The following B3GALT1 variants were observed in gnomAD, a reference collection of about 807,000 sequenced individuals.
B3GALT1 encodes the protein UDP-Gal:betaGlcNAc beta 1,3-galactosyltransferase, polypeptide 1.
B3GALT1 carries 10 observed loss-of-function variants against 23.2 expected under a neutral mutation model. That is an observed-to-expected ratio of 0.43 (90% CI 0.27 to 0.73). The LOEUF is 0.73. B3GALT1 is among the 30% of genes least tolerant of loss of function. The pLI, the probability that B3GALT1 is intolerant of heterozygous loss-of-function variation, is 0.21. For synonymous variants in B3GALT1, 156 were observed against 141.5 expected (o/e 1.10, Z -0.73); for missense variants, 299 against 405.4 (o/e 0.74, Z 2.25).
At position 167,737,945 on chromosome 2, in the gene B3GALT1, C is replaced by T. The variant is rs560568929; in HGVS notation, c.-351-80727C>T. On this transcript the variant is annotated intron_variant, in intron 3 of 4. Coordinates refer to ENST00000392690, the MANE Select transcript of B3GALT1 (RefSeq NM_020981.4). ...TAGAATGATTGATTAAACTAGATGC[C>T]TTTCCCGGACCTGAGAGCCGTAAAC... 3.9e-5 allele frequency among the ~76,000 whole-genome samples: 6 copies of T among 152,284 alleles called. No homozygotes were observed. In the East Asian group the frequency reaches 1.2e-3, roughly 29 times the overall value.
intron 2 of B3GALT1, among the ~76,000 whole-genome samples, chr2:167,551,725 G>A (rs1429210839): frequency 6.6e-6 from 1 of 152,034 alleles, no homozygotes; most frequent in African/African-American, 2.4e-5. Context: ...CCACCCAGAC[G>A]AGGCACATTT....
intron 4 of B3GALT1, among the ~76,000 whole-genome samples, chr2:167,836,676 A>C (rs930303927): frequency 2.0e-5 from 3 of 152,194 alleles, no homozygotes; most frequent in African/African-American, 7.2e-5. Flanking sequence ...AATACAGAGA[A>C]CACCACAAAG....
intron 3 of B3GALT1, among the ~76,000 whole-genome samples, chr2:167,701,920 T>A (rs1427654583): frequency 6.6e-6 from 1 of 152,216 alleles, no homozygotes; most frequent in East Asian, 1.9e-4. Context: ...TTAACACCTG[T>A]GATAATTTCT....
chr2:167,447,530 G>C (rs934069678), intron 1 of B3GALT1, among the ~76,000 whole-genome samples: 1 of 152,192 alleles, frequency 6.6e-6, no homozygotes, highest in African/African-American at 2.4e-5. Context: ...CTTCCTGGCT[G>C]CTTTGTTTAC....
At chr2:167,808,434 C>G (rs1247936490) in intron 3 of B3GALT1, among the ~76,000 whole-genome samples, 1 of 148,216 alleles carries the variant, frequency 6.7e-6, no homozygotes, top group African/African-American at 2.5e-5. Context: ...TTTGCAGTGG[C>G]TGGTACTTAG....
At chr2:167,454,276 A>T (rs1699135244) in intron 1 of B3GALT1, among the ~76,000 whole-genome samples, 1 of 152,206 alleles carries the variant, frequency 6.6e-6, no homozygotes, top group Non-Finnish European at 1.5e-5. Flanking sequence ...AGGCAGAGCC[A>T]ACTATATGCG....
chr2:167,638,897 A>G (rs1287461295), intron 2 of B3GALT1, among the ~76,000 whole-genome samples: 1 of 152,040 alleles, frequency 6.6e-6, no homozygotes, highest in African/African-American at 2.4e-5. Flanking sequence ...TTAGCTGTGT[A>G]AACTTGGGCA....
chr2:167,704,401 C>T (rs556626801), intron 3 of B3GALT1, among the ~76,000 whole-genome samples: 2 of 152,084 alleles, frequency 1.3e-5, no homozygotes, highest in South Asian at 4.2e-4. Flanking sequence ...GAAAATGAGA[C>T]ACCACTAACA....
intron 1 of B3GALT1, among the ~76,000 whole-genome samples, chr2:167,317,518 TA>T (rs1034777359): frequency 9.9e-5 from 15 of 152,234 alleles, no homozygotes; most frequent in African/African-American, 3.6e-4. Context: ...ACAGCCATCA[TA>T]AAGAAGCCTA....
intron 3 of B3GALT1, among the ~76,000 whole-genome samples, chr2:167,731,326 C>T (rs746830360): frequency 1.1e-4 from 17 of 152,190 alleles, no homozygotes; most frequent in Non-Finnish European, 2.4e-4. Flanking sequence ...CTTTATTCCT[C>T]AACTAGGTAT....
At chr2:167,496,617 A>G (rs78167260) in intron 2 of B3GALT1, among the ~76,000 whole-genome samples, 2,823 of 152,296 alleles carry the variant, frequency 0.019, 43 homozygotes, top group South Asian at 0.049. Flanking sequence ...TGAACAAAAT[A>G]AAGCATATTC....
At position 167,394,648 on chromosome 2, in the gene B3GALT1, G is replaced by A. The variant is rs114222502; in HGVS notation, c.-510-95529G>A. ...ATTATTTTCCATATTTCGTAACTAAGCGATAGGCAAAATAGGCATTTTCTC... is the reference window on the plus strand; with the variant it reads ...ATTATTTTCCATATTTCGTAACTAAACGATAGGCAAAATAGGCATTTTCTC... On this transcript the variant is annotated intron_variant, in intron 1 of 4. Transcript: ENST00000392690. Among the ~76,000 whole-genome samples the A allele has an allele frequency of 4.7e-3, 717 of 151,934 alleles. 9 individuals carry two copies. Among genetic ancestry groups the A allele is most frequent in the African/African-American group, 0.016 (660 of 41,344 alleles).
chr2:167,581,587 GTTTTCTGATTCC>G (rs1307040895), intron 2 of B3GALT1, among the ~76,000 whole-genome samples: 1 of 152,182 alleles, frequency 6.6e-6, no homozygotes, highest in Non-Finnish European at 1.5e-5. Flanking sequence ...GTGAACAAGT[GTTTTCTGATTCC>G]AGCTCTGACA....
intron 2 of B3GALT1, among the ~76,000 whole-genome samples, chr2:167,541,805 T>C (rs572051995): frequency 6.6e-6 from 1 of 152,222 alleles, no homozygotes; most frequent in Admixed American, 6.5e-5. Context: ...CTAATTAACC[T>C]GTTTTGCATT....
intron 3 of B3GALT1, among the ~76,000 whole-genome samples, chr2:167,790,538 A>G (rs904535385): frequency 6.6e-6 from 1 of 152,208 alleles, no homozygotes; most frequent in Non-Finnish European, 1.5e-5. Context: ...CTTTCCATGC[A>G]CAAACTAACA....
intron 3 of B3GALT1, among the ~76,000 whole-genome samples, chr2:167,711,649 G>C (rs1687049911): frequency 6.6e-6 from 1 of 152,112 alleles, no homozygotes; most frequent in Admixed American, 6.6e-5. Flanking sequence ...AGTAGCCTAA[G>C]TCTTGTAAAT....
chr2:167,638,516 A>G (rs917263676), intron 2 of B3GALT1, among the ~76,000 whole-genome samples: 5 of 152,052 alleles, frequency 3.3e-5, no homozygotes, highest in Admixed American at 1.3e-4. Flanking sequence ...AGTCAGAGAG[A>G]GGGAACTAAA....
intron 3 of B3GALT1, among the ~76,000 whole-genome samples, chr2:167,725,544 GT>G (rs1687298660): frequency 6.6e-6 from 1 of 152,164 alleles, no homozygotes; most frequent in South Asian, 2.1e-4. Context: ...AGTCCCTTCA[GT>G]TTTTAGAAAA....
chr2:167,573,970 A>T (rs1033380125), intron 2 of B3GALT1, among the ~76,000 whole-genome samples: 1 of 151,676 alleles, frequency 6.6e-6, no homozygotes, highest in Non-Finnish European at 1.5e-5. Context: ...AGAGATATGT[A>T]AGAGTAACAA....
Sources: allele counts gnomAD v4.1 joint callset (sites outside exome capture counted in the v4.1 genomes callset), GRCh38; gene constraint gnomAD v4.1.1; transcripts MANE v1.5; gene names NCBI Gene and HGNC (gene_info 2026-07-23, HGNC 2026-07-21).